Variants in COL5A1 observed in about 807,000 individuals in gnomAD.
The protein encoded by COL5A1 is collagen alpha-1(V) chain.
Under a neutral mutation model 263.7 loss-of-function variants are expected in COL5A1, and 16 were observed. The ratio of observed to expected loss-of-function variants is 0.06; its 90% CI spans 0.04 to 0.09. The LOEUF (loss-of-function observed/expected upper bound fraction) is 0.09, where lower values mean the gene tolerates loss of function less well. Among genes scored for constraint, COL5A1 ranks in the 10% least tolerant of loss-of-function variants. COL5A1 has a pLI of 1.00. For synonymous variants in COL5A1, 1,012 were observed against 1,004.5 expected (o/e 1.01, Z -0.14); for missense variants, 2,036 against 2,540.5 (o/e 0.80, Z 4.27).
In COL5A1 at chr9:134,652,682, G is replaced by A. The variant is rs1319671243; in HGVS notation, c.109+10386G>A. 1 of 470,872 alleles carries A rather than the reference G, an allele frequency of 2.1e-6. No individual in the cohort carries two copies. Among genetic ancestry groups the A allele is most frequent in the Admixed American group, 2.3e-5 (1 of 42,580 alleles). The allele number at this position is 470,872 out of a possible 1,614,324, so 29.2% of individuals were successfully genotyped here. ...CTGCAGGAATCGTGGGATAGAGGAA[G>A]CAAAGGTGAGATTCCGTGGCCTCAC... On this transcript the variant is annotated intron_variant, in intron 1 of 65. Coordinates refer to ENST00000371817, the MANE Select transcript of COL5A1 (RefSeq NM_000093.5). The surrounding 1 kb of genome is among the most constrained non-coding windows in gnomAD (Gnocchi z 4.4).
chr9:134,817,116 C>T, intron 53 of COL5A1, 37 bp downstream of exon 53: 1 of 1,589,356 alleles, frequency 6.3e-7, no homozygotes, highest in Non-Finnish European at 8.6e-7. Flanking sequence ...GCTGTCAAAT[C>T]CCTGCATGAA....
chr9:134,756,903 T>C, intron 17 of COL5A1, 85 bp downstream of exon 17: 3 of 1,288,836 alleles, frequency 2.3e-6, no homozygotes, highest in Admixed American at 1.7e-5. Flanking sequence ...ATGCTGGTTA[T>C]GTGATGACTA....
Position 134,765,885 on chromosome 9 carries a change from C to G in COL5A1, c.2088+151C>G, listed in dbSNP as rs1836643924. 4.6e-6 allele frequency: 3 copies of G among 658,236 alleles called. No homozygotes were observed. The highest frequency in any genetic ancestry group is 7.8e-6 in the Non-Finnish European group (3 of 384,544). The allele number at this position is 658,236 out of a possible 1,614,324, so 40.8% of individuals were successfully genotyped here. ...GCCAGTGTGAGGCGTGAGCGGGACA[C>G]TGATGTTCAGACGCTGTAGACACGG... On this transcript the variant is annotated intron_variant, in intron 21 of 65. Coordinates refer to ENST00000371817, the MANE Select transcript of COL5A1 (RefSeq NM_000093.5). This position sits in a 1 kb window ranked among gnomAD's most constrained non-coding sequence, Gnocchi z 5.1.
intron 9 of COL5A1, chr9:134,732,552 T>G: frequency 3.4e-6 from 1 of 295,274 alleles, no homozygotes. Flanking sequence ...CACGTGGTCG[T>G]ACCTCTCTGC....
intron 18 of COL5A1, among the ~76,000 whole-genome samples, chr9:134,759,338 A>G (rs1214389330): frequency 4.8e-5 from 5 of 104,786 alleles, no homozygotes; most frequent in Admixed American, 1.0e-4. Context: ...GCACACAAGC[A>G]CACACACACA....
chr9:134,756,112 G>A (rs974943557), intron 16 of COL5A1, among the ~76,000 whole-genome samples: 14 of 152,176 alleles, frequency 9.2e-5, no homozygotes, highest in African/African-American at 3.4e-4. Flanking sequence ...GGTGGGGCCT[G>A]CACAGTGGGC....
chr9:134,697,269 A>C (rs1833513998), intron 2 of COL5A1, among the ~76,000 whole-genome samples: 5 of 152,042 alleles, frequency 3.3e-5, no homozygotes, highest in Non-Finnish European at 7.4e-5. Flanking sequence ...CAATAAATCC[A>C]TTGTTATTTT....
chr9:134,654,799 G>C (rs1310942225), intron 1 of COL5A1, among the ~76,000 whole-genome samples: 1 of 139,784 alleles, frequency 7.2e-6, no homozygotes, highest in Non-Finnish European at 1.5e-5. Context: ...TGTAGACCTC[G>C]TGTGTGTTTA....
chr9:134,832,319 T>C (rs564003760), intron 64 of COL5A1, among the ~76,000 whole-genome samples: 2 of 151,956 alleles, frequency 1.3e-5, no homozygotes, highest in South Asian at 2.1e-4. Context: ...GGCAGGAGAA[T>C]CTCTTGAACC....
At position 134,681,946 on chromosome 9, in the gene COL5A1, C is replaced by T. The variant is rs529004746; in HGVS notation, c.110-8966C>T. Among the ~76,000 whole-genome samples, 2 of 151,764 alleles carry T rather than the reference C, an allele frequency of 1.3e-5. No homozygotes were observed. The highest frequency in any genetic ancestry group is 4.8e-5 in the African/African-American group (2 of 41,304). On this transcript the variant is annotated intron_variant, in intron 1 of 65. Transcript: ENST00000371817. The surrounding 1 kb of genome is among the most constrained non-coding windows in gnomAD (Gnocchi z 4.3). ...AGCTCTCTCTCTCTCCCTCTCTCTCCCCATCTCTCCCTCCCTCTCTCTCTC... is the reference window on the plus strand; with the variant it reads ...AGCTCTCTCTCTCTCCCTCTCTCTCTCCATCTCTCCCTCCCTCTCTCTCTC...
Position 134,767,073 on chromosome 9 carries a change from G to A in COL5A1, c.2187+20G>A, listed in dbSNP as rs1340025101. The A allele has an allele frequency of 6.2e-7, 1 of 1,612,098 alleles. No individual in the cohort carries two copies. Among genetic ancestry groups the A allele is most frequent in the Admixed American group, 1.7e-5 (1 of 59,730 alleles). On this transcript the variant is annotated intron_variant, in intron 23 of 65. Coordinates refer to ENST00000371817, the MANE Select transcript of COL5A1 (RefSeq NM_000093.5). The stretch of plus-strand genomic sequence containing the variant: ...GCCCAGGTAAGTGAGCCTGAGAGAG[G>A]CAGCTCGCAGGGATCCGGCCGTGGG...
At chr9:134,776,090 C>G (rs968012530) in intron 27 of COL5A1, among the ~76,000 whole-genome samples, 1 of 152,118 alleles carries the variant, frequency 6.6e-6, no homozygotes. Flanking sequence ...CCGGAGGCCC[C>G]GACTTCCATT....
intron 1 of COL5A1, among the ~76,000 whole-genome samples, chr9:134,687,673 C>T (rs1833127701): frequency 6.6e-6 from 1 of 152,210 alleles, no homozygotes; most frequent in African/African-American, 2.4e-5. Flanking sequence ...AGGCACCGGG[C>T]TGGGTGTGGA....
At chr9:134,803,834 C>G (rs1838198137) in intron 39 of COL5A1, among the ~76,000 whole-genome samples, 1 of 151,500 alleles carries the variant, frequency 6.6e-6, no homozygotes. Context: ...CAGAGCGAGA[C>G]TCCATCTCAA....
intron 29 of COL5A1, among the ~76,000 whole-genome samples, chr9:134,783,281 A>G (rs1837328675): frequency 6.6e-6 from 1 of 152,212 alleles, no homozygotes; most frequent in Non-Finnish European, 1.5e-5. Context: ...TTGGCTCAGG[A>G]GACCTGGCTT....
intron 64 of COL5A1, chr9:134,830,340 C>A (rs1839557277): frequency 2.9e-6 from 2 of 692,118 alleles, no homozygotes; most frequent in East Asian, 2.7e-5. Context: ...GAGTCCTCTC[C>A]CCAGCCCCCG....
At chr9:134,734,623 C>G (rs1387889292) in intron 9 of COL5A1, among the ~76,000 whole-genome samples, 1 of 152,242 alleles carries the variant, frequency 6.6e-6, no homozygotes, top group African/African-American at 2.4e-5. Context: ...CTTTCCCACT[C>G]AGTCCCGCTC....
intron 4 of COL5A1, among the ~76,000 whole-genome samples, chr9:134,712,925 C>T (rs79269002): frequency 0.063 from 9,577 of 152,096 alleles, 986 homozygotes; most frequent in African/African-American, 0.22. Flanking sequence ...AACCTGTCCT[C>T]CAGAAGGGCC....
At chr9:134,666,719 C>G (rs1032743564) in intron 1 of COL5A1, among the ~76,000 whole-genome samples, 1 of 152,162 alleles carries the variant, frequency 6.6e-6, no homozygotes, top group African/African-American at 2.4e-5. Context: ...GCTAGCCCAT[C>G]GTGACCCTTT....
Sources: allele counts gnomAD v4.1 joint callset (sites outside exome capture counted in the v4.1 genomes callset), GRCh38; gene constraint gnomAD v4.1.1; non-coding constraint Gnocchi (gnomAD v3.1); transcripts MANE v1.5; gene names NCBI Gene and HGNC (gene_info 2026-07-23, HGNC 2026-07-21).